Variants in ST8SIA6 observed in about 807,000 individuals in gnomAD.
The protein encoded by ST8SIA6 is alpha-2,8-sialyltransferase 8F.
Under a neutral mutation model 33.6 loss-of-function variants are expected in ST8SIA6, and 39 were observed. That is an observed-to-expected ratio of 1.16 (90% CI 0.90 to 1.52). The LOEUF (loss-of-function observed/expected upper bound fraction) is 1.52, where lower values mean the gene tolerates loss of function less well. Ranked by LOEUF, ST8SIA6 falls within the 40% of genes most tolerant of loss-of-function variation. ST8SIA6 has a pLI of 0.00. For synonymous variants in ST8SIA6, 172 were observed against 167.2 expected (o/e 1.03, Z -0.22); for missense variants, 441 against 443.8 (o/e 0.99, Z 0.06).
rs114042181 is a variant in ST8SIA6 at position 17,437,096 on chromosome 10, T to C, written c.200+16463A>G. Among the ~76,000 whole-genome samples, 1,354 of 152,266 alleles carry C rather than the reference T, an allele frequency of 8.9e-3. 15 individuals are homozygous for C. Among genetic ancestry groups the C allele is most frequent in the African/African-American group, 0.031 (1,268 of 41,550 alleles). ...TCTGTGTGTATGCCCCAAATTGCAA[T>C]TCTATGATTCCCAAATAAAACATTT... On this transcript the variant is annotated intron_variant, in intron 2 of 7. Transcript: ENST00000377602.
intron 4 of ST8SIA6, among the ~76,000 whole-genome samples, chr10:17,348,402 A>T (rs1379915986): frequency 6.6e-6 from 1 of 152,172 alleles, no homozygotes; most frequent in South Asian, 2.1e-4. Flanking sequence ...TATTTATGCC[A>T]CTGTCTTTTA....
In ST8SIA6 at chr10:17,323,956, T is replaced by C. The variant is rs1005424730; in HGVS notation, c.636-799A>G. 5.3e-5 allele frequency among the ~76,000 whole-genome samples: 8 copies of C among 152,196 alleles called. 1 individual carries two copies. The highest frequency in any genetic ancestry group is 2.6e-4 in the Admixed American group (4 of 15,270). ...ACAAATCAAAACCTCCCAATTCCCA[T>C]GTGGATAGTTTTGCCACCAAATTAT... On this transcript the variant is annotated intron_variant, in intron 6 of 7. Transcript: ENST00000377602.
At chr10:17,446,169 A>T (rs895607717) in intron 2 of ST8SIA6, among the ~76,000 whole-genome samples, 1 of 152,310 alleles carries the variant, frequency 6.6e-6, no homozygotes, top group Admixed American at 6.5e-5. Context: ...TAAGTCCTCC[A>T]ATCTGATAAG....
At chr10:17,437,320 G>C (rs995785810) in intron 2 of ST8SIA6, among the ~76,000 whole-genome samples, 1 of 151,982 alleles carries the variant, frequency 6.6e-6, no homozygotes, top group Non-Finnish European at 1.5e-5. Flanking sequence ...ATCACACTCA[G>C]GTAATTTTAT....
At chr10:17,346,079 T>C (rs549451059) in intron 4 of ST8SIA6, among the ~76,000 whole-genome samples, 2 of 152,304 alleles carry the variant, frequency 1.3e-5, no homozygotes, top group African/African-American at 4.8e-5. Context: ...CTCTGGACAC[T>C]TCCCCAAGGA....
intron 2 of ST8SIA6, among the ~76,000 whole-genome samples, chr10:17,446,222 G>A (rs539296245): frequency 3.1e-3 from 477 of 151,480 alleles, no homozygotes; most frequent in African/African-American, 0.011. Context: ...CATCTAGGTC[G>A]AAAACAAACA....
At chr10:17,406,917 C>T (rs1851286928) in intron 2 of ST8SIA6, among the ~76,000 whole-genome samples, 1 of 151,760 alleles carries the variant, frequency 6.6e-6, no homozygotes, top group Non-Finnish European at 1.5e-5. Flanking sequence ...CCATCAGCCT[C>T]CCAAGTAGCT....
At chr10:17,384,303 C>A (rs80090391) in intron 3 of ST8SIA6, among the ~76,000 whole-genome samples, 5,804 of 152,290 alleles carry the variant, frequency 0.038, 136 homozygotes, top group African/African-American at 0.062. Context: ...TGGCACAAAT[C>A]CATGACTGGG....
chr10:17,416,016 C>T (rs1851597485), intron 2 of ST8SIA6, among the ~76,000 whole-genome samples: 1 of 151,952 alleles, frequency 6.6e-6, no homozygotes, highest in Non-Finnish European at 1.5e-5. Flanking sequence ...CCATGTTGCC[C>T]AGGCTGGTCT....
At chr10:17,326,532 C>T (rs138693966) in intron 6 of ST8SIA6, among the ~76,000 whole-genome samples, 117 of 152,190 alleles carry the variant, frequency 7.7e-4, no homozygotes, top group African/African-American at 2.7e-3. Context: ...AGCCAGAAAA[C>T]GAAATAATGA....
intron 2 of ST8SIA6, among the ~76,000 whole-genome samples, chr10:17,421,733 A>T (rs1317274039): frequency 2.7e-5 from 4 of 145,962 alleles, no homozygotes; most frequent in Non-Finnish European, 4.7e-5. Context: ...CTTCTAATTT[A>T]AAAAAAAAAT....
chr10:17,433,167 C>G lies in ST8SIA6; in HGVS notation c.200+20392G>C, dbSNP rs548786450. 1.1e-4 allele frequency among the ~76,000 whole-genome samples: 17 copies of G among 152,210 alleles called. No homozygotes were observed. In the South Asian group the frequency reaches 3.5e-3, roughly 32 times the overall value. ...CAACTTCTCTGGCTTCTTTATATGACTCAGGAACATTTTAAATCTGGGGGA... is the reference window on the plus strand; with the variant it reads ...CAACTTCTCTGGCTTCTTTATATGAGTCAGGAACATTTTAAATCTGGGGGA... On this transcript the variant is annotated intron_variant, in intron 2 of 7. Coordinates refer to ENST00000377602, the MANE Select transcript of ST8SIA6 (RefSeq NM_001004470.3).
Position 17,394,849 on chromosome 10 carries a change from G to A in ST8SIA6, c.201-4229C>T, listed in dbSNP as rs532906299. Among the ~76,000 whole-genome samples, 88 of 152,294 alleles carry A rather than the reference G, an allele frequency of 5.8e-4. 2 individuals are homozygous for A. In the South Asian group the frequency reaches 0.018, roughly 31 times the overall value. Reference sequence around the variant, plus strand: ...TCTCAGACAAGTCATAGGGGATTGAGAGAAATTGATCCAGGTGAAAGTAGG... The same window carrying A: ...TCTCAGACAAGTCATAGGGGATTGAAAGAAATTGATCCAGGTGAAAGTAGG... On this transcript the variant is annotated intron_variant, in intron 2 of 7. Transcript: ENST00000377602.
At position 17,372,057 on chromosome 10, in the gene ST8SIA6, T is replaced by A. The variant is rs74117644; in HGVS notation, c.291-12457A>T. On this transcript the variant is annotated intron_variant, in intron 3 of 7. Transcript: ENST00000377602. ...GCCATGGTATTGGGCACTTAGTAGT[T>A]GCTTTGTATTTCTGAAATTAATATT... 5.7e-3 allele frequency among the ~76,000 whole-genome samples: 870 copies of A among 152,266 alleles called. 12 individuals carry two copies. The highest frequency in any genetic ancestry group is 0.019 in the African/African-American group (790 of 41,546).
chr10:17,331,319 G>A (rs11817860), intron 5 of ST8SIA6, 89 bp downstream of exon 5: 4 of 1,440,070 alleles, frequency 2.8e-6, no homozygotes, highest in African/African-American at 2.9e-5. Context: ...TTTTAATTGA[G>A]TCCATCATAA....
chr10:17,451,124 A>T (rs1852895813), intron 2 of ST8SIA6, among the ~76,000 whole-genome samples: 1 of 140,740 alleles, frequency 7.1e-6, no homozygotes, highest in Non-Finnish European at 1.6e-5. Context: ...GGATTCAATG[A>T]ATTAAATGTA....
At position 17,446,905 on chromosome 10, in the gene ST8SIA6, C is replaced by CGTG. The variant is rs371443168; in HGVS notation, c.200+6651_200+6653dup. ...CCAAAAAAAAAAAAAATTAGCTGAG[C>CGTG]GTGGTGGCAGATGCTGCCTGTATTC... On this transcript the variant is annotated intron_variant, in intron 2 of 7. Transcript: ENST00000377602. 3.4e-3 allele frequency among the ~76,000 whole-genome samples: 507 copies of CGTG among 148,806 alleles called. 2 individuals are homozygous for CGTG. Among genetic ancestry groups the CGTG allele is most frequent in the African/African-American group, 0.012 (483 of 40,380 alleles).
At chr10:17,438,492 C>G (rs1053952546) in intron 2 of ST8SIA6, among the ~76,000 whole-genome samples, 2 of 152,024 alleles carry the variant, frequency 1.3e-5, no homozygotes, top group East Asian at 3.9e-4. Context: ...AAAAATGACA[C>G]CTATAAAATC....
chr10:17,401,433 T>G (rs1428605394), intron 2 of ST8SIA6, among the ~76,000 whole-genome samples: 5 of 152,316 alleles, frequency 3.3e-5, no homozygotes, highest in African/African-American at 1.2e-4. Context: ...AGAACTACTT[T>G]AAAGTTCATA....
Sources: allele counts gnomAD v4.1 joint callset (sites outside exome capture counted in the v4.1 genomes callset), GRCh38; gene constraint gnomAD v4.1.1; transcripts MANE v1.5; gene names NCBI Gene and HGNC (gene_info 2026-07-23, HGNC 2026-07-21).